The following SORBS2 variants were observed in gnomAD, a reference collection of about 807,000 sequenced individuals.
SORBS2 encodes sorbin and SH3 domain-containing protein 2.
Under a neutral mutation model 97.7 loss-of-function variants are expected in SORBS2, and 46 were observed. The ratio of observed to expected loss-of-function variants is 0.47; its 90% CI spans 0.37 to 0.60. The LOEUF is 0.60. SORBS2 is among the 20% of genes least tolerant of loss of function. SORBS2 has a pLI of 0.00. For missense variants in SORBS2, 1,316 were observed against 1,282.3 expected, an observed-to-expected ratio of 1.03 and a Z score of -0.40; for synonymous variants, 476 against 473.4, an observed-to-expected ratio of 1.01 and a Z score of -0.07.
At chr4:185,920,361 G>A (rs762075027) in intron 1 of SORBS2, among the ~76,000 whole-genome samples, 1 of 152,078 alleles carries the variant, frequency 6.6e-6, no homozygotes, top group African/African-American at 2.4e-5. Flanking sequence ...TTGCATTTGC[G>A]GCAAGTCCAG....
exon 3 of SORBS2, chr4:185,649,566 C>T (rs776319003): frequency 1.2e-6 from 2 of 1,604,998 alleles, no homozygotes; most frequent in Non-Finnish European, 1.7e-6. Context: ...GGCATTGGGG[C>T]TGTTGTCGGA....
rs551755975 is a variant in SORBS2 at position 185,938,184 on chromosome 4, G to A, written c.-338+18012C>T. On this transcript the variant is annotated intron_variant, in intron 1 of 20. Coordinates refer to the SORBS2 transcript ENST00000284776. The stretch of plus-strand genomic sequence containing the variant: ...AGCTAATTTTTGTATTTTTTGTAGC[G>A]ATGAGGCTTCACCAGGTTGGCCAGG... 2.1e-4 allele frequency among the ~76,000 whole-genome samples: 32 copies of A among 151,746 alleles called. No individual in the cohort carries two copies. In the South Asian group the frequency reaches 5.3e-3, roughly 25 times the overall value.
chr4:185,715,448 T>C (rs1562082844), intron 2 of SORBS2, among the ~76,000 whole-genome samples: 1 of 151,890 alleles, frequency 6.6e-6, no homozygotes, highest in African/African-American at 2.4e-5. Flanking sequence ...AAAATAAATA[T>C]TTAGTTTAAA....
intron 1 of SORBS2, among the ~76,000 whole-genome samples, chr4:185,795,135 C>T (rs1011637123): frequency 6.6e-6 from 1 of 152,156 alleles, no homozygotes; most frequent in Non-Finnish European, 1.5e-5. Context: ...ACCCTGCTGT[C>T]ATCATCTATA....
At chr4:185,906,306 T>C (rs2099250791) in intron 1 of SORBS2, among the ~76,000 whole-genome samples, 1 of 152,234 alleles carries the variant, frequency 6.6e-6, no homozygotes, top group Non-Finnish European at 1.5e-5. Context: ...GTGCTGGGAT[T>C]ATAGGCCTGA....
intron 4 of SORBS2, chr4:185,666,035 G>A (rs1489164193): frequency 2.3e-6 from 3 of 1,289,548 alleles, no homozygotes; most frequent in South Asian, 2.5e-5. Flanking sequence ...ACACCATCGG[G>A]GGGCGGAAGG....
chr4:185,922,217 C>A (rs1434931422), intron 1 of SORBS2, among the ~76,000 whole-genome samples: 1 of 152,164 alleles, frequency 6.6e-6, no homozygotes, highest in African/African-American at 2.4e-5. Flanking sequence ...AAAAATAATT[C>A]TAGGACATAA....
chr4:185,935,835 T>C (rs1016911019), intron 1 of SORBS2, among the ~76,000 whole-genome samples: 2 of 146,544 alleles, frequency 1.4e-5, no homozygotes, highest in Non-Finnish European at 3.0e-5. Context: ...GAAAATTAAG[T>C]GGGAGAGTAG....
chr4:185,606,442 C>T lies in SORBS2; in HGVS notation c.2796+5338G>A, dbSNP rs1004550685. ...TATGGTGTGTTTTCATATACCCACTCCACCCCCATCTTATATAGTATTTGT... is the reference window on the plus strand; with the variant it reads ...TATGGTGTGTTTTCATATACCCACTTCACCCCCATCTTATATAGTATTTGT... On this transcript the variant is annotated intron_variant, in intron 12 of 14. Transcript: ENST00000418609. The surrounding 1 kb of genome is among the most constrained non-coding windows in gnomAD (Gnocchi z 4.3). 3 of 973,742 alleles carry T rather than the reference C, an allele frequency of 3.1e-6. No homozygotes were observed. In the African/African-American group the frequency reaches 5.3e-5, roughly 17 times the overall value. The allele number at this position is 973,742 out of a possible 1,614,324, so 60.3% of individuals were successfully genotyped here. A position where few individuals can be genotyped will look rare whatever the true frequency, so the allele number is the denominator to read the frequency against.
chr4:185,624,259 A>G, exon 7 of SORBS2: 2 of 1,614,118 alleles, frequency 1.2e-6, no homozygotes, highest in Non-Finnish European at 1.7e-6. Context: ...CGTTTAGGAG[A>G]TCGTCACAGC....
chr4:185,784,634 T>C (rs1264394324), intron 1 of SORBS2, among the ~76,000 whole-genome samples: 1 of 152,166 alleles, frequency 6.6e-6, no homozygotes, highest in African/African-American at 2.4e-5. Context: ...AGGTCATCTG[T>C]TCCATGAAAG....
chr4:185,779,199 T>A (rs376394566), intron 1 of SORBS2, among the ~76,000 whole-genome samples: 8 of 134,638 alleles, frequency 5.9e-5, no homozygotes, highest in Non-Finnish European at 1.6e-5. Context: ...AAGAGTAGAG[T>A]CTGGAGTCAG....
chr4:185,780,487 G>A (rs573136949), intron 1 of SORBS2, among the ~76,000 whole-genome samples: 40 of 152,204 alleles, frequency 2.6e-4, no homozygotes, highest in East Asian at 7.7e-4. Flanking sequence ...TGCATGCATC[G>A]GGCTGGAAAC....
intron 1 of SORBS2, among the ~76,000 whole-genome samples, chr4:185,852,268 G>A (rs1196087813): frequency 4.6e-5 from 7 of 152,160 alleles, no homozygotes; most frequent in Admixed American, 4.6e-4. Flanking sequence ...CTCTCAGGCA[G>A]GATGAAACAG....
intron 1 of SORBS2, among the ~76,000 whole-genome samples, chr4:185,784,422 G>A (rs1486566465): frequency 2.0e-5 from 3 of 152,118 alleles, no homozygotes; most frequent in Admixed American, 6.6e-5. Flanking sequence ...GAGCCACCGC[G>A]CCAGGCTGTC....
Position 185,638,862 on chromosome 4 carries a change from A to G in SORBS2, c.396+7806T>C, listed in dbSNP as rs1258165384. ...CTGCCGGGCATGAAGAAAGGTAAGGAAGGAAGGAGCTCACCCGGGTGGGAG... is the reference window on the plus strand; with the variant it reads ...CTGCCGGGCATGAAGAAAGGTAAGGGAGGAAGGAGCTCACCCGGGTGGGAG... On this transcript the variant is annotated intron_variant, in intron 4 of 14. Coordinates refer to ENST00000418609, the Ensembl canonical transcript of SORBS2. 6.9e-7 allele frequency: 1 copy of G among 1,448,634 alleles called. No homozygotes were observed. The highest frequency in any genetic ancestry group is 9.0e-7 in the Non-Finnish European group (1 of 1,105,802). 89.7% of individuals were successfully genotyped at this position (1,448,634 alleles called of 1,614,324 possible).
At chr4:185,862,918 C>T (rs1010082712) in intron 1 of SORBS2, among the ~76,000 whole-genome samples, 2 of 152,090 alleles carry the variant, frequency 1.3e-5, no homozygotes, top group Non-Finnish European at 2.9e-5. Context: ...AGTACCCATC[C>T]GCCTTCTCTT....
intron 1 of SORBS2, chr4:185,917,993 G>C (rs958820943): frequency 6.6e-6 from 1 of 152,098 alleles, no homozygotes; most frequent in Non-Finnish European, 1.5e-5. Context: ...AAAATTCTTA[G>C]TTTCATAACG....
intron 2 of SORBS2, 72 bp downstream of exon 11, chr4:185,651,712 A>T (rs1056568034): frequency 8.3e-6 from 7 of 847,500 alleles, no homozygotes; most frequent in Non-Finnish European, 1.4e-5. Flanking sequence ...AGGGGAAAAA[A>T]GGTGACCGTG....
Sources: gnomAD v4.1 joint callset for allele counts (sites outside exome capture counted in the v4.1 genomes callset) on GRCh38, gnomAD v4.1.1 for gene constraint, Gnocchi (gnomAD v3.1) non-coding constraint, MANE v1.5 for transcripts, NCBI Gene and HGNC (gene_info 2026-07-23, HGNC 2026-07-21) for gene names.